RYR2: variants seen among roughly 807,000 people sequenced by gnomAD.
RYR2 encodes the protein ryanodine receptor 2.
Under a neutral mutation model 601.1 loss-of-function variants are expected in RYR2, and 227 were observed. That is an observed-to-expected ratio of 0.38 (90% CI 0.34 to 0.42). The LOEUF (loss-of-function observed/expected upper bound fraction) is 0.42. RYR2 is among the 10% of genes least tolerant of loss of function. The pLI is 1.00. For synonymous variants in RYR2, 2,223 were observed against 2,175.1 expected (o/e 1.02, Z -0.61); for missense variants, 4,646 against 6,156.5 (o/e 0.75, Z 8.21).
chr1:237,081,518 T>C (rs1452945829), intron 1 of RYR2, among the ~76,000 whole-genome samples: 2 of 151,590 alleles, frequency 1.3e-5, no homozygotes, highest in Admixed American at 6.6e-5. Context: ...CCCACATATA[T>C]ATATATATAT....
Position 237,562,707 on chromosome 1 carries a change from A to C in RYR2, c.3215-3860A>C, listed in dbSNP as rs183518038. On this transcript the variant is annotated intron_variant, in intron 27 of 104. Transcript: ENST00000366574. ...TTATTATATTCATTATAACAGTATA[A>C]AAATCACTTATATAACATACTTACA... Among the ~76,000 whole-genome samples the C allele has an allele frequency of 6.3e-3, 953 of 152,326 alleles. 7 individuals are homozygous for C. The highest frequency in any genetic ancestry group is 0.024 in the Middle Eastern group (7 of 294).
At chr1:237,805,790 T>C (rs779182554) in intron 98 of RYR2, among the ~76,000 whole-genome samples, 3 of 152,136 alleles carry the variant, frequency 2.0e-5, no homozygotes, top group Non-Finnish European at 4.4e-5. Flanking sequence ...CTTCTTTGTG[T>C]TGGGAACATT....
intron 1 of RYR2, among the ~76,000 whole-genome samples, chr1:237,213,915 CTTT>C (rs71180008): frequency 1.5e-5 from 1 of 65,496 alleles, no homozygotes; most frequent in Non-Finnish European, 2.9e-5. Context: ...TTTTCTTTTT[CTTT>C]TTTTTTTTTT....
At chr1:237,117,927 G>T (rs1670319449) in intron 1 of RYR2, among the ~76,000 whole-genome samples, 1 of 152,080 alleles carries the variant, frequency 6.6e-6, no homozygotes, top group Non-Finnish European at 1.5e-5. Flanking sequence ...TGTATTTTTA[G>T]TAGAGACAGG....
chr1:237,227,453 G>A (rs911552350), intron 1 of RYR2, among the ~76,000 whole-genome samples: 4 of 152,082 alleles, frequency 2.6e-5, no homozygotes, highest in Non-Finnish European at 5.9e-5. Flanking sequence ...TAGGAGGAGG[G>A]GTAGATTCAG....
At chr1:237,299,738 TAGG>T (rs928852858) in intron 2 of RYR2, among the ~76,000 whole-genome samples, 1 of 152,182 alleles carries the variant, frequency 6.6e-6, no homozygotes, top group African/African-American at 2.4e-5. Context: ...TAGGGGCTTT[TAGG>T]AGAATATGTT....
At chr1:237,401,778 AC>A (rs1455773073) in intron 10 of RYR2, among the ~76,000 whole-genome samples, 1 of 151,966 alleles carries the variant, frequency 6.6e-6, no homozygotes, top group African/African-American at 2.4e-5. Flanking sequence ...TCAAACCTCT[AC>A]CCCTTTAATC....
intron 48 of RYR2, 120 bp from the exon 49 acceptor site, chr1:237,648,324 A>G: frequency 1.1e-6 from 1 of 915,928 alleles, no homozygotes; most frequent in South Asian, 2.6e-5. Flanking sequence ...TAGTCGAAGA[A>G]CAGAAAGCCA....
chr1:237,102,663 C>G (rs1450452155), intron 1 of RYR2, among the ~76,000 whole-genome samples: 31 of 152,084 alleles, frequency 2.0e-4, no homozygotes, highest in Admixed American at 2.0e-3. Context: ...CGAGACCAGC[C>G]TGGCCAACAT....
intron 25 of RYR2, among the ~76,000 whole-genome samples, chr1:237,546,252 T>C (rs1669791743): frequency 6.6e-6 from 1 of 152,236 alleles, no homozygotes; most frequent in Non-Finnish European, 1.5e-5. Flanking sequence ...CTTATGAATG[T>C]AAATTGAATG....
chr1:237,382,835 C>G (rs1394932523), intron 8 of RYR2, among the ~76,000 whole-genome samples: 1 of 151,668 alleles, frequency 6.6e-6, no homozygotes, highest in Non-Finnish European at 1.5e-5. Flanking sequence ...GCCTTTCTTT[C>G]CTCTGTGGCT....
intron 47 of RYR2, among the ~76,000 whole-genome samples, chr1:237,641,224 T>C (rs1681436226): frequency 6.6e-6 from 1 of 152,168 alleles, no homozygotes; most frequent in African/African-American, 2.4e-5. Flanking sequence ...AATAGAGTAC[T>C]TAAGTTACTC....
intron 28 of RYR2, 79 bp downstream of exon 28, chr1:237,566,854 A>T (rs1177477595): frequency 2.1e-5 from 30 of 1,429,112 alleles, no homozygotes; most frequent in Non-Finnish European, 3.0e-5. Context: ...TGGTAGCTTC[A>T]CAGTACCAGT....
intron 2 of RYR2, among the ~76,000 whole-genome samples, chr1:237,316,285 C>T (rs1695101852): frequency 6.6e-6 from 1 of 152,086 alleles, no homozygotes; most frequent in Non-Finnish European, 1.5e-5. Flanking sequence ...ATTAATGACA[C>T]CTTACAGCAT....
intron 1 of RYR2, among the ~76,000 whole-genome samples, chr1:237,245,044 A>T (rs577391343): frequency 1.6e-3 from 220 of 140,300 alleles, no homozygotes; most frequent in Admixed American, 2.1e-3. Flanking sequence ...GCTGTCTCTA[A>T]AAAATAAAAA....
intron 19 of RYR2, among the ~76,000 whole-genome samples, chr1:237,493,664 G>T (rs1414717389): frequency 1.3e-5 from 2 of 152,120 alleles, no homozygotes; most frequent in East Asian, 1.9e-4. Context: ...GTGTTAGCCA[G>T]GATGGTCTCG....
At chr1:237,161,945 T>A (rs1360193637) in intron 1 of RYR2, among the ~76,000 whole-genome samples, 2 of 152,228 alleles carry the variant, frequency 1.3e-5, no homozygotes, top group Non-Finnish European at 2.9e-5. Context: ...GTAGTGAACA[T>A]TTGTTGAGCA....
chr1:237,449,098 G>A (rs2927932), intron 14 of RYR2, among the ~76,000 whole-genome samples: 14,427 of 152,068 alleles, frequency 0.095, 1,877 homozygotes, highest in African/African-American at 0.29. Flanking sequence ...ACACGGGAGC[G>A]TGAGAGCATA....
At chr1:237,387,220 C>A in intron 8 of RYR2, 61 bp from the exon 9 acceptor site, 1 of 1,421,706 alleles carries the variant, frequency 7.0e-7, no homozygotes, top group Admixed American at 1.7e-5. Context: ...TTCCTAGAAG[C>A]ACTTACATGT....
Sources: allele counts gnomAD v4.1 joint callset (sites outside exome capture counted in the v4.1 genomes callset), GRCh38; gene constraint gnomAD v4.1.1; transcripts MANE v1.5; gene names NCBI Gene and HGNC (gene_info 2026-07-23, HGNC 2026-07-21).